CFAP77: variants seen among roughly 807,000 people sequenced by gnomAD.
The protein encoded by CFAP77 is cilia- and flagella-associated protein 77.
A neutral mutation model predicts 31.1 loss-of-function variants in CFAP77; 25 were observed. The ratio of observed to expected loss-of-function variants is 0.80; its 90% CI spans 0.59 to 1.12. The LOEUF (loss-of-function observed/expected upper bound fraction) is 1.12. Among genes scored for constraint, CFAP77 ranks in the 50% most tolerant of loss-of-function variants. The pLI, the probability that CFAP77 is intolerant of heterozygous loss-of-function variation, is 0.00. For synonymous variants in CFAP77, 151 were observed against 159.9 expected, an observed-to-expected ratio of 0.94 and a Z score of 0.42; for missense variants, 377 against 397.3, an observed-to-expected ratio of 0.95 and a Z score of 0.44.
intron 1 of CFAP77, among the ~76,000 whole-genome samples, chr9:132,469,597 G>A (rs1394214450): frequency 6.6e-6 from 1 of 152,112 alleles, no homozygotes; most frequent in Non-Finnish European, 1.5e-5. Context: ...TATCTGCAAA[G>A]TCCATGCATC....
intron 1 of CFAP77, among the ~76,000 whole-genome samples, chr9:132,486,040 A>T (rs1156852540): frequency 4.6e-4 from 15 of 32,344 alleles, no homozygotes; most frequent in East Asian, 3.8e-3. Flanking sequence ...ATATATATAT[A>T]TGTATGTATA....
At chr9:132,516,205 TAA>T (rs1174305259) in intron 3 of CFAP77, among the ~76,000 whole-genome samples, 1 of 152,156 alleles carries the variant, frequency 6.6e-6, no homozygotes, top group Non-Finnish European at 1.5e-5. Context: ...TTCTGATTTT[TAA>T]AAAAATATAT....
intron 4 of CFAP77, 27 bp from the exon 5 acceptor site, chr9:132,542,919 T>A (rs748136073): frequency 2.5e-6 from 4 of 1,579,830 alleles, no homozygotes; most frequent in Non-Finnish European, 3.5e-6. Flanking sequence ...GGCAACCATC[T>A]CACCTTTGCC....
At chr9:132,477,000 C>G (rs944585046) in intron 1 of CFAP77, among the ~76,000 whole-genome samples, 1 of 152,214 alleles carries the variant, frequency 6.6e-6, no homozygotes, top group Non-Finnish European at 1.5e-5. Flanking sequence ...GTCTTCCCAG[C>G]CGCTGGTGCT....
In CFAP77 at chr9:132,490,838, G is replaced by A. The variant is rs899358274; in HGVS notation, c.196-7857G>A. ...TTCAACATTGTTATAATGTTGATGA[G>A]AAAAGAAATCAATGTCCGGCCGGGG... is the stretch of plus-strand genomic sequence containing the variant. On this transcript the variant is annotated intron_variant, in intron 1 of 5. Transcript: ENST00000393216. The surrounding 1 kb of genome is among the most constrained non-coding windows in gnomAD (Gnocchi z 4.6). Among the ~76,000 whole-genome samples, 1 of 152,198 alleles carries A rather than the reference G, an allele frequency of 6.6e-6. No homozygotes were observed. Among genetic ancestry groups the A allele is most frequent in the Non-Finnish European group, 1.5e-5 (1 of 68,034 alleles).
At chr9:132,429,283 G>A (rs879610826) in intron 1 of CFAP77, among the ~76,000 whole-genome samples, 1 of 152,032 alleles carries the variant, frequency 6.6e-6, no homozygotes, top group Non-Finnish European at 1.5e-5. Context: ...TCTCACACCT[G>A]TAAACCCAGC....
chr9:132,537,164 G>T (rs1040631709), intron 3 of CFAP77, among the ~76,000 whole-genome samples: 8 of 152,288 alleles, frequency 5.3e-5, no homozygotes, highest in African/African-American at 1.7e-4. Context: ...AGACATCAAG[G>T]CAGGAAGATC....
intron 3 of CFAP77, among the ~76,000 whole-genome samples, chr9:132,524,380 C>A (rs1411224799): frequency 6.6e-6 from 1 of 151,618 alleles, no homozygotes; most frequent in East Asian, 2.0e-4. Context: ...GCGGGCGGAT[C>A]ACTTGAGGTC....
At chr9:132,432,817 C>T (rs927672285) in intron 1 of CFAP77, among the ~76,000 whole-genome samples, 1 of 151,700 alleles carries the variant, frequency 6.6e-6, no homozygotes, top group African/African-American at 2.4e-5. Flanking sequence ...GGGTTCACGC[C>T]ATTCTCCTGC....
chr9:132,502,203 C>G (rs547950353), intron 3 of CFAP77, among the ~76,000 whole-genome samples: 3 of 151,232 alleles, frequency 2.0e-5, no homozygotes, highest in Admixed American at 6.6e-5. Context: ...TTTCCAATCT[C>G]CCCTCTTGCT....
intron 5 of CFAP77, among the ~76,000 whole-genome samples, chr9:132,559,394 C>T (rs539623526): frequency 1.4e-3 from 179 of 131,486 alleles, no homozygotes; most frequent in Non-Finnish European, 2.3e-3. Flanking sequence ...GACATTTCTC[C>T]AAAGGAGATA....
chr9:132,438,541 A>ATATATATATATATATATATATATATATT, intron 1 of CFAP77, among the ~76,000 whole-genome samples: 8 of 108,118 alleles, frequency 7.4e-5, no homozygotes, highest in African/African-American at 2.4e-4. Flanking sequence ...ATATATATAT[A>ATATATATATATATATATATATATATATT]TTTTTTTTTT....
Position 132,443,113 on chromosome 9 carries a change from A to G in CFAP77, c.195+32647A>G, listed in dbSNP as rs540966157. On this transcript the variant is annotated intron_variant, in intron 1 of 5. Coordinates refer to ENST00000393216, the MANE Select transcript of CFAP77 (RefSeq NM_001282957.2). Reference sequence around the variant, plus strand: ...TTTAACATGTTTTTAAGGTTCATCCATGTCGCAGCAAGTATCAGTACGTCA... The same window carrying G: ...TTTAACATGTTTTTAAGGTTCATCCGTGTCGCAGCAAGTATCAGTACGTCA... 1.1e-4 allele frequency among the ~76,000 whole-genome samples: 17 copies of G among 152,310 alleles called. No individual in the cohort carries two copies. In the Middle Eastern group the frequency reaches 0.014, roughly 122 times the overall value.
At chr9:132,514,142 G>C (rs1167645423) in intron 3 of CFAP77, among the ~76,000 whole-genome samples, 1 of 146,490 alleles carries the variant, frequency 6.8e-6, no homozygotes, top group Non-Finnish European at 1.5e-5. Context: ...CCCCTCCCCT[G>C]TGTCCCTGAC....
rs533390000 is a variant in CFAP77, at chr9:132,561,802, C to T, written c.733-10586C>T. On this transcript the variant is annotated intron_variant, in intron 5 of 5. Transcript: ENST00000393216. Reference sequence around the variant, plus strand: ...CAGGGCTGTGGCTGCCTGAACCCCCCACCTGTGGCAGAGGCGTCGGGTGGA... The same window carrying T: ...CAGGGCTGTGGCTGCCTGAACCCCCTACCTGTGGCAGAGGCGTCGGGTGGA... Among the ~76,000 whole-genome samples, 6 of 152,302 alleles carry T rather than the reference C, an allele frequency of 3.9e-5. No homozygotes were observed. The East Asian group carries it at 1.2e-3, about 29-fold the overall frequency.
At chr9:132,555,846 A>G (rs187463065) in intron 5 of CFAP77, among the ~76,000 whole-genome samples, 1 of 152,280 alleles carries the variant, frequency 6.6e-6, no homozygotes, top group East Asian at 1.9e-4. Context: ...TGAGATTAAT[A>G]TACAAACATA....
At chr9:132,448,884 C>T (rs1008634243) in intron 1 of CFAP77, among the ~76,000 whole-genome samples, 1 of 151,986 alleles carries the variant, frequency 6.6e-6, no homozygotes, top group South Asian at 2.1e-4. Context: ...ACCATGCCTG[C>T]CTGAAGCCTC....
At chr9:132,560,433 G>A (rs535732132) in intron 5 of CFAP77, among the ~76,000 whole-genome samples, 1 of 152,322 alleles carries the variant, frequency 6.6e-6, no homozygotes, top group Admixed American at 6.5e-5. Context: ...TGGGACTGGT[G>A]TTACCCAATT....
chr9:132,556,611 G>C (rs571686525), intron 5 of CFAP77, among the ~76,000 whole-genome samples: 3 of 151,624 alleles, frequency 2.0e-5, no homozygotes, highest in African/African-American at 4.8e-5. Flanking sequence ...CAGAGGGAGA[G>C]GGGGGTGGCA....
Sources: allele counts gnomAD v4.1 joint callset (sites outside exome capture counted in the v4.1 genomes callset), GRCh38; gene constraint gnomAD v4.1.1; non-coding constraint Gnocchi (gnomAD v3.1); transcripts MANE v1.5; gene names NCBI Gene and HGNC (gene_info 2026-07-23, HGNC 2026-07-21).